Variants in NFIX observed in about 807,000 individuals in gnomAD.
The protein encoded by NFIX is nuclear factor 1 X-type.
In NFIX, 2 loss-of-function variants were observed where a neutral mutation model predicts 53.3. The observed-to-expected ratio is 0.04, with a 90% confidence interval of 0.02 to 0.12. NFIX has a LOEUF of 0.12. Among genes scored for constraint, NFIX ranks in the 10% least tolerant of loss-of-function variants. The pLI is 1.00. For synonymous variants in NFIX, 244 were observed against 289.0 expected (o/e 0.84, Z 1.58); for missense variants, 310 against 674.5 (o/e 0.46, Z 5.99).
intron 2 of NFIX, among the ~76,000 whole-genome samples, chr19:13,046,937 T>G (rs1270444361): frequency 6.6e-6 from 1 of 152,194 alleles, no homozygotes; most frequent in African/African-American, 2.4e-5. Flanking sequence ...GAAGTGAAGC[T>G]ACTGCCATCT....
intron 2 of NFIX, among the ~76,000 whole-genome samples, chr19:13,064,523 T>C (rs535690609): frequency 1.3e-5 from 2 of 152,300 alleles, no homozygotes; most frequent in Non-Finnish European, 2.9e-5. Context: ...TGCACACCGA[T>C]GTGGGGAGGG....
chr19:13,085,562 T>C (rs958058608), intron 8 of NFIX, among the ~76,000 whole-genome samples: 6 of 152,232 alleles, frequency 3.9e-5, no homozygotes, highest in African/African-American at 1.4e-4. Context: ...CGCTCTGACC[T>C]GCACTGTTAC....
Position 13,072,948 on chromosome 19 carries a change from C to T in NFIX, c.560-99C>T, listed in dbSNP as rs566316956. 5.1e-5 allele frequency: 60 copies of T among 1,174,766 alleles called. No homozygotes were observed. The Admixed American group carries it at 5.9e-4, about 12-fold the overall frequency. 72.8% of individuals were successfully genotyped at this position (1,174,766 alleles called of 1,614,324 possible). ...GAAGGTTTCTGTAGCCAGGGTGGGC[C>T]GTCCCTGCTCTTGCACCAGGCTGGA... On this transcript the variant is annotated intron_variant, in intron 2 of 10. Coordinates refer to ENST00000592199, the MANE Select transcript of NFIX (RefSeq NM_001365902.3). This position sits in a 1 kb window ranked among gnomAD's most constrained non-coding sequence, Gnocchi z 4.0.
At chr19:13,075,110 A>G (rs1379017057) in intron 5 of NFIX, among the ~76,000 whole-genome samples, 1 of 145,972 alleles carries the variant, frequency 6.9e-6, no homozygotes, top group Non-Finnish European at 1.5e-5. Flanking sequence ...TATTCTTTAT[A>G]TTGATGACTG....
intron 2 of NFIX, among the ~76,000 whole-genome samples, chr19:13,057,444 AGCT>A (rs1290869657): frequency 6.6e-6 from 1 of 152,170 alleles, no homozygotes; most frequent in Non-Finnish European, 1.5e-5. Context: ...GCCTCCCATT[AGCT>A]GTGTGCGAGG....
At chr19:13,077,566 A>G (rs1307098903) in intron 6 of NFIX, among the ~76,000 whole-genome samples, 1 of 151,982 alleles carries the variant, frequency 6.6e-6, no homozygotes, top group African/African-American at 2.4e-5. Flanking sequence ...GGCGGCTGGG[A>G]GTTCGCCCTT....
chr19:13,018,196 C>T (rs934544266), intron 1 of NFIX, among the ~76,000 whole-genome samples: 18 of 152,112 alleles, frequency 1.2e-4, no homozygotes, highest in Non-Finnish European at 2.4e-4. Flanking sequence ...CCCATTCCTA[C>T]CCTATATTAT....
Position 13,081,744 on chromosome 19 carries a change from C to T in NFIX, c.1143C>T (p.Ser381=), listed in dbSNP as rs777733912. 316 of 1,613,868 alleles carry T rather than the reference C, an allele frequency of 2.0e-4. 2 individuals are homozygous for T. Among genetic ancestry groups the T allele is most frequent in the Non-Finnish European group, 2.6e-4 (304 of 1,179,896 alleles). The change falls in exon 8 of 11, where the codon AGC becomes AGT. Residue 381 remains serine, a synonymous_variant. Coordinates refer to ENST00000592199, the MANE Select transcript of NFIX (RefSeq NM_001365902.3). This position sits in a 1 kb window ranked among gnomAD's most constrained non-coding sequence, Gnocchi z 4.7. ...FPSTSIIQQS[S]PYFTHPTIRY... is the part of the protein sequence containing the mutation. ...CCACGTCCATCATCCAGCAGTCGAG[C>T]CCGTATTTCACGCACCCGACCATCC...
At chr19:12,995,991 G>C (rs2011452047) in intron 1 of NFIX, 127 bp downstream of exon 1, 1 of 242,652 alleles carries the variant, frequency 4.1e-6, no homozygotes, top group Admixed American at 6.6e-5. Context: ...CCGCCGAGGG[G>C]TGCAGGCTGT....
At chr19:13,023,636 T>G in intron 1 of NFIX, among the ~76,000 whole-genome samples, 1 of 126,770 alleles carries the variant, frequency 7.9e-6, no homozygotes, top group African/African-American at 2.5e-5. Context: ...TTTTCTTTTT[T>G]TTTTTTTTTA....
In NFIX at chr19:13,051,431, C is replaced by T. The variant is rs148676077; in HGVS notation, c.560-21616C>T. 2.1e-4 allele frequency among the ~76,000 whole-genome samples: 32 copies of T among 152,290 alleles called. No individual in the cohort carries two copies. The highest frequency in any genetic ancestry group is 7.5e-4 in the African/African-American group (31 of 41,546). ...TGCTGTCTGACCTGACAGCATTGCACAAGTCAGCCGTCCTGCAAGGTGGCT... is the reference window on the plus strand; with the variant it reads ...TGCTGTCTGACCTGACAGCATTGCATAAGTCAGCCGTCCTGCAAGGTGGCT... On this transcript the variant is annotated intron_variant, in intron 2 of 10. Transcript: ENST00000592199. This position sits in a 1 kb window ranked among gnomAD's most constrained non-coding sequence, Gnocchi z 5.1.
intron 1 of NFIX, chr19:13,024,749 T>TA: frequency 6.6e-7 from 1 of 1,511,588 alleles, no homozygotes; most frequent in Non-Finnish European, 8.9e-7. Flanking sequence ...AGAGAGAGAA[T>TA]AGGTGTGTGT....
intron 1 of NFIX, among the ~76,000 whole-genome samples, chr19:12,999,276 C>T (rs1425043165): frequency 6.6e-6 from 1 of 151,642 alleles, no homozygotes; most frequent in African/African-American, 2.4e-5. Context: ...CGGGTTCAAG[C>T]AATTCTCTGC....
At position 13,084,845 on chromosome 19, in the gene NFIX, G is replaced by A. The variant is rs1256923034; in HGVS notation, c.1254+2990G>A. Among the ~76,000 whole-genome samples the A allele has an allele frequency of 3.9e-5, 6 of 152,130 alleles. No individual in the cohort carries two copies. In the East Asian group the frequency reaches 9.7e-4, roughly 25 times the overall value. ...AGCACTTTGGGAGGCTGAGGTGGGC[G>A]GATCATCTGAGGTTGGGAGTTCGAG... On this transcript the variant is annotated intron_variant, in intron 8 of 10. Transcript: ENST00000592199.
intron 8 of NFIX, among the ~76,000 whole-genome samples, chr19:13,086,074 G>A (rs748836771): frequency 1.6e-4 from 25 of 152,248 alleles, no homozygotes; most frequent in Admixed American, 4.6e-4. Flanking sequence ...CTTGAAGGGT[G>A]TGGGAAATAG....
At position 13,020,255 on chromosome 19, in the gene NFIX, T is replaced by C. The variant is rs969024035; in HGVS notation, c.28-4766T>C. Reference sequence around the variant, plus strand: ...TTAACAAAAGGGGGACAGTTTCCTTTTGTCTAGGGCTCATGAGGGGCGTGT... The same window carrying C: ...TTAACAAAAGGGGGACAGTTTCCTTCTGTCTAGGGCTCATGAGGGGCGTGT... On this transcript the variant is annotated intron_variant, in intron 1 of 10. Transcript: ENST00000592199. 2.8e-4 allele frequency among the ~76,000 whole-genome samples: 42 copies of C among 152,122 alleles called. 3 individuals are homozygous for C.
rs1163059118 is a variant in NFIX, at chr19:13,097,719, C to G, written c.*3070C>G. 1 of 152,030 alleles carries G rather than the reference C, an allele frequency of 6.6e-6. No individual in the cohort carries two copies. Among genetic ancestry groups the G allele is most frequent in the East Asian group, 1.9e-4 (1 of 5,136 alleles). The allele number at this position is 152,030 out of a possible 1,614,324, so 9.4% of individuals were successfully genotyped here. On this transcript the variant is annotated 3_prime_UTR_variant, in exon 11 of 11. Transcript: ENST00000592199. ...GAACAAACGTCCCCTCCCTCCCTCC[C>G]TCTCCGCCCCGAGCGCCCTTCTTTG...
intron 2 of NFIX, among the ~76,000 whole-genome samples, chr19:13,062,747 T>C (rs1400866632): frequency 1.3e-5 from 2 of 152,226 alleles, no homozygotes; most frequent in Admixed American, 6.5e-5. Context: ...TTTGTGTTTG[T>C]TGCTTGTCCA....
chr19:13,023,630 CTTTTTTTTTT>C (rs201731717), intron 1 of NFIX, among the ~76,000 whole-genome samples: 1 of 128,670 alleles, frequency 7.8e-6, no homozygotes, highest in Non-Finnish European at 1.7e-5. Context: ...GCATTTTTTT[CTTTTTTTTTT>C]TTTTTAAACT....
Sources: allele counts gnomAD v4.1 joint callset (sites outside exome capture counted in the v4.1 genomes callset), GRCh38; gene constraint gnomAD v4.1.1; non-coding constraint Gnocchi (gnomAD v3.1); transcripts MANE v1.5; gene names NCBI Gene and HGNC (gene_info 2026-07-23, HGNC 2026-07-21).